PARD3: variants seen among roughly 807,000 people sequenced by gnomAD.
The protein encoded by PARD3 is par-3 family cell polarity regulator.
In PARD3, 75 loss-of-function variants were observed where a neutral mutation model predicts 155.4. The observed-to-expected ratio is 0.48, with a 90% CI of 0.40 to 0.58. PARD3 has a LOEUF of 0.58. Among genes scored for constraint, PARD3 ranks in the 20% least tolerant of loss-of-function variants. PARD3 has a pLI of 0.00. For missense variants in PARD3, 1,642 were observed against 1,721.7 expected, an observed-to-expected ratio of 0.95 and a Z score of 0.82; for synonymous variants, 576 against 610.5, an observed-to-expected ratio of 0.94 and a Z score of 0.83.
At chr10:34,140,848 A>G (rs1300208172) in intron 22 of PARD3, among the ~76,000 whole-genome samples, 1 of 152,196 alleles carries the variant, frequency 6.6e-6, no homozygotes, top group Non-Finnish European at 1.5e-5. Context: ...TTAATTATGC[A>G]TGCAAAGTTA....
At chr10:34,129,673 T>C (rs1947484451) in intron 23 of PARD3, among the ~76,000 whole-genome samples, 1 of 109,042 alleles carries the variant, frequency 9.2e-6, no homozygotes, top group Non-Finnish European at 2.2e-5. Context: ...AAATCAAATG[T>C]TCCTTTTTTT....
At chr10:34,808,898 A>T (rs1428672196) in intron 1 of PARD3, among the ~76,000 whole-genome samples, 1 of 152,232 alleles carries the variant, frequency 6.6e-6, no homozygotes, top group Non-Finnish European at 1.5e-5. Flanking sequence ...CCTGGCACTC[A>T]GCCAAGCATC....
intron 1 of PARD3, among the ~76,000 whole-genome samples, chr10:34,753,041 C>T (rs1375194564): frequency 6.6e-6 from 1 of 152,210 alleles, no homozygotes; most frequent in African/African-American, 2.4e-5. Context: ...CAGGCTAAAG[C>T]CTCCTCCTTA....
chr10:34,706,628 GCAGGTACCAGTAGTCC>G (rs1485703136), intron 1 of PARD3, among the ~76,000 whole-genome samples: 1 of 152,058 alleles, frequency 6.6e-6, no homozygotes, highest in Non-Finnish European at 1.5e-5. Context: ...GGACGTGGTG[GCAGGTACCAGTAGTCC>G]CAGCTACTCA....
intron 5 of PARD3, among the ~76,000 whole-genome samples, chr10:34,448,869 C>A (rs1172178759): frequency 6.6e-6 from 1 of 151,518 alleles, no homozygotes; most frequent in Non-Finnish European, 1.5e-5. Flanking sequence ...AGTGTTTTCA[C>A]CACACATACA....
At chr10:34,263,184 C>G (rs138924326) in intron 22 of PARD3, among the ~76,000 whole-genome samples, 130 of 152,318 alleles carry the variant, frequency 8.5e-4, no homozygotes, top group African/African-American at 3.0e-3. Context: ...AGCCCATTTC[C>G]TAAGTAACAG....
chr10:34,333,959 G>T (rs538920348), intron 18 of PARD3, among the ~76,000 whole-genome samples: 1 of 151,714 alleles, frequency 6.6e-6, no homozygotes, highest in East Asian at 1.9e-4. Flanking sequence ...AAAATTAAAA[G>T]GATTCCCTAA....
At chr10:34,312,897 T>A (rs1957781143) in intron 20 of PARD3, among the ~76,000 whole-genome samples, 1 of 152,182 alleles carries the variant, frequency 6.6e-6, no homozygotes, top group Admixed American at 6.5e-5. Flanking sequence ...AAATTACACT[T>A]ACTCTAGGGC....
intron 4 of PARD3, among the ~76,000 whole-genome samples, chr10:34,460,238 A>T (rs577045486): frequency 2.6e-5 from 4 of 152,286 alleles, no homozygotes; most frequent in African/African-American, 9.6e-5. Context: ...CATGGCTAAA[A>T]ACTACAATTT....
Position 34,269,683 on chromosome 10 carries a change from C to T in PARD3, c.3393G>A (p.Arg1131=). The change falls in exon 22 of 25, where the codon CGG becomes CGA. Residue 1131 remains arginine, a synonymous_variant. Transcript: ENST00000374788. ...DALYAQVKKP[R]NSKPSPVDSN... is the part of the protein sequence containing the mutation. ...TGTCTACAGGTGAGGGTTTGGAATT[C>T]CGCGGCTTCTTGACTTGGGCATACA... is the stretch of plus-strand genomic sequence containing the variant. 1 of 1,614,024 alleles carries T rather than the reference C, an allele frequency of 6.2e-7. No homozygotes were observed. Among genetic ancestry groups the T allele is most frequent in the Non-Finnish European group, 8.5e-7 (1 of 1,179,952 alleles).
At chr10:34,702,417 A>G (rs1388254327) in intron 1 of PARD3, among the ~76,000 whole-genome samples, 1 of 152,072 alleles carries the variant, frequency 6.6e-6, no homozygotes, top group Non-Finnish European at 1.5e-5. Context: ...AAAAATAACA[A>G]TACTGTCTGA....
chr10:34,413,178 CACAT>C (rs1845288720), intron 5 of PARD3, among the ~76,000 whole-genome samples: 1 of 145,820 alleles, frequency 6.9e-6, no homozygotes, highest in Admixed American at 7.0e-5. Context: ...CACACACACA[CACAT>C]ATATATAAGA....
At chr10:34,200,890 T>C (rs1276999152) in intron 22 of PARD3, among the ~76,000 whole-genome samples, 3 of 152,250 alleles carry the variant, frequency 2.0e-5, no homozygotes, top group Non-Finnish European at 4.4e-5. Flanking sequence ...CATCAGCTTC[T>C]GCTATTTCAG....
chr10:34,359,984 G>GT, intron 13 of PARD3, 87 bp downstream of exon 13: 1 of 983,216 alleles, frequency 1.0e-6, no homozygotes, highest in Non-Finnish European at 1.6e-6. Context: ...GAAAACTTCT[G>GT]TTAACTGTAT....
In PARD3 at chr10:34,274,544, T is replaced by C. The variant is rs749865967; in HGVS notation, c.3177-4645A>G. ...CTGACAACCCACTATACTATGATAT[T>C]TGGTCACCATTCATCAGTCACTTAA... On this transcript the variant is annotated intron_variant, in intron 21 of 24. Transcript: ENST00000374788. Among the ~76,000 whole-genome samples, 5 of 152,262 alleles carry C rather than the reference T, an allele frequency of 3.3e-5. No individual in the cohort carries two copies. In the East Asian group the frequency reaches 9.7e-4, roughly 29 times the overall value.
chr10:34,609,782 T>C (rs1284267150), intron 2 of PARD3, among the ~76,000 whole-genome samples: 1 of 152,064 alleles, frequency 6.6e-6, no homozygotes, highest in Non-Finnish European at 1.5e-5. Flanking sequence ...CTCAAGCAAT[T>C]CTCCCACTTC....
intron 22 of PARD3, among the ~76,000 whole-genome samples, chr10:34,162,600 T>C (rs1227423718): frequency 6.6e-6 from 1 of 152,228 alleles, no homozygotes; most frequent in Non-Finnish European, 1.5e-5. Context: ...GTATGCTTCC[T>C]GCCCTTACAG....
rs867965304 is a variant in PARD3 at position 34,675,936 on chromosome 10, G to T, written c.222+20382C>A. On this transcript the variant is annotated intron_variant, in intron 2 of 24. Coordinates refer to ENST00000374788, the MANE Select transcript of PARD3 (RefSeq NM_001184785.2). The stretch of plus-strand genomic sequence containing the variant: ...TTGTCTAAGGCTCTGGCGGCTCCGC[G>T]AATCTCATGTGCTGGGCCATCATGG... The T allele has an allele frequency of 1.8e-5, 3 of 166,584 alleles. No individual in the cohort carries two copies. In the East Asian group the frequency reaches 4.2e-4, roughly 23 times the overall value. The allele number at this position is 166,584 out of a possible 1,614,324, so 10.3% of individuals were successfully genotyped here.
intron 22 of PARD3, among the ~76,000 whole-genome samples, chr10:34,229,266 T>A (rs1952787145): frequency 1.3e-5 from 2 of 152,102 alleles, no homozygotes; most frequent in Admixed American, 6.5e-5. Flanking sequence ...TCACCCAGGC[T>A]GGAGTACAGT....
Sources: allele counts gnomAD v4.1 joint callset (sites outside exome capture counted in the v4.1 genomes callset), GRCh38; gene constraint gnomAD v4.1.1; transcripts MANE v1.5; gene names NCBI Gene and HGNC (gene_info 2026-07-23, HGNC 2026-07-21).